Variants in PPP1CC observed in about 807,000 individuals in gnomAD.
PPP1CC encodes serine/threonine-protein phosphatase PP1-gamma catalytic subunit.
In PPP1CC, 16 loss-of-function variants were observed where a neutral mutation model predicts 38.4. That is an observed-to-expected ratio of 0.42 (90% CI 0.28 to 0.63). The LOEUF (loss-of-function observed/expected upper bound fraction) is 0.63, where lower values mean the gene tolerates loss of function less well. Ranked by LOEUF, PPP1CC falls within the 30% of genes least tolerant of loss-of-function variation. The probability of loss-of-function intolerance (pLI) is 0.25; values close to 1 mark genes in which losing one functional copy is unlikely to be tolerated. For synonymous variants in PPP1CC, 158 were observed against 136.0 expected, an observed-to-expected ratio of 1.16 and a Z score of -1.13; for missense variants, 170 against 391.3, an observed-to-expected ratio of 0.43 and a Z score of 4.77.
intron 2 of PPP1CC, 116 bp downstream of exon 2, chr12:110,731,654 C>A: frequency 8.4e-7 from 1 of 1,189,808 alleles, no homozygotes; most frequent in Non-Finnish European, 1.2e-6. Context: ...TTAAGTAGTT[C>A]CAAGCTATTC....
chr12:110,718,962 G>A (rs1243255587), downstream of PPP1CC, among the ~76,000 whole-genome samples: 1 of 151,840 alleles, frequency 6.6e-6, no homozygotes, highest in Non-Finnish European at 1.5e-5. Context: ...ATAATCCTTA[G>A]TACTTGATAA....
At chr12:110,725,840 C>G in intron 3 of PPP1CC, 1 of 152,254 alleles carries the variant, frequency 6.6e-6, no homozygotes, top group Non-Finnish European at 1.5e-5. Context: ...GGCGGGCAGA[C>G]CATCTGAGGT....
chr12:110,716,134 C>G (rs1402636449), downstream of PPP1CC, among the ~76,000 whole-genome samples: 1 of 152,168 alleles, frequency 6.6e-6, no homozygotes, highest in Non-Finnish European at 1.5e-5. Context: ...TGGTTGATGC[C>G]AGTGCCTTTA....
At chr12:110,712,796 G>A in the PPP1CC span, among the ~76,000 whole-genome samples, 1 of 151,930 alleles carries the variant, frequency 6.6e-6, no homozygotes, top group Non-Finnish European at 1.5e-5. Context: ...ACCAGGCTGG[G>A]CGTGGTGGCT....
chr12:110,742,528 G>C (rs985905807), intron 1 of PPP1CC, 125 bp downstream of exon 1: 1 of 783,578 alleles, frequency 1.3e-6, no homozygotes. Context: ...GGGCCAACTC[G>C]AGGAGCTCAC....
chr12:110,715,015 G>A (rs2069677525), downstream of PPP1CC, among the ~76,000 whole-genome samples: 2 of 151,660 alleles, frequency 1.3e-5, no homozygotes, highest in Non-Finnish European at 2.9e-5. Context: ...ACTTGCCAGG[G>A]AAAGGTCAAG....
chr12:110,711,481 T>C, the PPP1CC span, among the ~76,000 whole-genome samples: 6 of 152,232 alleles, frequency 3.9e-5, no homozygotes, highest in East Asian at 1.2e-3. Flanking sequence ...AAATTCAAGA[T>C]CATGGTTAAC....
chr12:110,709,534 C>T, the PPP1CC span, among the ~76,000 whole-genome samples: 4,397 of 150,314 alleles, frequency 0.029, 213 homozygotes, highest in African/African-American at 0.1. Flanking sequence ...GGCCAAAAAA[C>T]GTCAGACCAG....
intron 3 of PPP1CC, among the ~76,000 whole-genome samples, chr12:110,730,154 T>C (rs943675201): frequency 2.0e-5 from 3 of 152,186 alleles, no homozygotes; most frequent in African/African-American, 7.2e-5. Context: ...AGCCAGGAGT[T>C]TCAGATCAGC....
At position 110,730,687 on chromosome 12, in the gene PPP1CC, TA is replaced by T; in HGVS notation, c.259del (p.Tyr87ThrfsTer26). The T allele has an allele frequency of 6.2e-7, 1 of 1,614,106 alleles. No homozygotes were observed. The highest frequency in any genetic ancestry group is 8.5e-7 in the Non-Finnish European group (1 of 1,180,008). On this transcript the variant is annotated frameshift_variant, in exon 3 of 7. Coordinates refer to ENST00000335007, the MANE Select transcript of PPP1CC (RefSeq NM_002710.4). LOFTEE classifies it high-confidence loss of function. ...GTCCACATAGTCCCCAAGAAACAGG[TA>T]GTTGCTTTCTGGTGGGAAACCACCG... ...EYGGFPPESN[Y>X]LFLGDYVDRG...
At chr12:110,730,831 A>G (rs1012823267) in intron 2 of PPP1CC, 72 bp from the exon 3 acceptor site, 1 of 1,018,182 alleles carries the variant, frequency 9.8e-7, no homozygotes, top group Non-Finnish European at 1.4e-6. Flanking sequence ...CTTTGGAAAG[A>G]CATTCTTTAA....
chr12:110,740,884 T>C (rs1171417323), intron 1 of PPP1CC, among the ~76,000 whole-genome samples: 1 of 152,226 alleles, frequency 6.6e-6, no homozygotes, highest in African/African-American at 2.4e-5. Flanking sequence ...ATTCCAACTT[T>C]TCCTGTTTCC....
chr12:110,714,731 G>A (rs369450147), downstream of PPP1CC, among the ~76,000 whole-genome samples: 4 of 149,374 alleles, frequency 2.7e-5, no homozygotes, highest in East Asian at 1.9e-4. Context: ...ACTTGAGCCC[G>A]GGAGGTGGAG....
intron 3 of PPP1CC, among the ~76,000 whole-genome samples, chr12:110,728,496 T>A (rs1233204518): frequency 6.6e-6 from 1 of 151,958 alleles, no homozygotes; most frequent in Non-Finnish European, 1.5e-5. Flanking sequence ...CTCATGACTG[T>A]AATCCCAGCA....
At chr12:110,728,060 A>G (rs989522335) in intron 3 of PPP1CC, among the ~76,000 whole-genome samples, 4 of 152,242 alleles carry the variant, frequency 2.6e-5, no homozygotes, top group African/African-American at 9.6e-5. Context: ...CAGTGCAAAC[A>G]TGAAAAGTAT....
At chr12:110,712,955 C>T in the PPP1CC span, among the ~76,000 whole-genome samples, 8 of 151,772 alleles carry the variant, frequency 5.3e-5, no homozygotes, top group African/African-American at 1.9e-4. Context: ...TGCCTATAAT[C>T]CCAGCTACTT....
At chr12:110,731,629 CT>C in intron 2 of PPP1CC, 140 bp downstream of exon 2, 2 of 813,954 alleles carry the variant, frequency 2.5e-6, no homozygotes, top group Non-Finnish European at 3.6e-6. Flanking sequence ...TCTAAAGCTA[CT>C]ATTTAACTTA....
rs893702485 is a variant in PPP1CC, at chr12:110,742,033, C to G, written c.55+620G>C. Among the ~76,000 whole-genome samples the G allele has an allele frequency of 3.3e-5, 5 of 152,170 alleles. No individual in the cohort carries two copies. In the South Asian group the frequency reaches 1.0e-3, roughly 32 times the overall value. On this transcript the variant is annotated intron_variant, in intron 1 of 6. Transcript: ENST00000335007. Reference sequence around the variant, plus strand: ...ACGCTCAGGAAAAGAGCGCGGAGACCTCTCCAAGATTAGAACAACTTAAAA... The same window carrying G: ...ACGCTCAGGAAAAGAGCGCGGAGACGTCTCCAAGATTAGAACAACTTAAAA...
intron 1 of PPP1CC, among the ~76,000 whole-genome samples, chr12:110,733,528 A>G (rs900923365): frequency 5.3e-5 from 8 of 152,050 alleles, no homozygotes; most frequent in South Asian, 2.1e-4. Context: ...AACATAGTTT[A>G]TATTTGTTTT....
Sources: allele counts gnomAD v4.1 joint callset (sites outside exome capture counted in the v4.1 genomes callset), GRCh38; gene constraint gnomAD v4.1.1; transcripts MANE v1.5; gene names NCBI Gene and HGNC (gene_info 2026-07-23, HGNC 2026-07-21).